DAD1: variants seen among roughly 807,000 people sequenced by gnomAD.
DAD1 encodes the protein dolichyl-diphosphooligosaccharide--protein glycosyltransferase subunit DAD1.
A neutral mutation model predicts 9.0 loss-of-function variants in DAD1; 4 were observed. That is an observed-to-expected ratio of 0.44 (90% CI 0.22 to 1.01). The LOEUF (loss-of-function observed/expected upper bound fraction) is 1.01, where lower values mean the gene tolerates loss of function less well. Ranked by LOEUF, DAD1 falls within the 50% of genes least tolerant of loss-of-function variation. The pLI is 0.24. For synonymous variants in DAD1, 60 were observed against 62.5 expected, an observed-to-expected ratio of 0.96 and a Z score of 0.19; for missense variants, 119 against 137.3, an observed-to-expected ratio of 0.87 and a Z score of 0.67.
intron 2 of DAD1, among the ~76,000 whole-genome samples, chr14:22,573,409 G>C (rs17119929): frequency 0.092 from 13,982 of 152,016 alleles, 1,178 homozygotes; most frequent in African/African-American, 0.22. Context: ...TTAATCAGGT[G>C]TCTAATGAGT....
At chr14:22,571,625 C>CTTTTT (rs869205395) in intron 2 of DAD1, among the ~76,000 whole-genome samples, 7 of 109,844 alleles carry the variant, frequency 6.4e-5, no homozygotes, top group Non-Finnish European at 1.1e-4. Flanking sequence ...GCAAGGGGCT[C>CTTTTT]TTTTTTTTTT....
chr14:22,576,761 CT>C (rs2037080240), intron 1 of DAD1, among the ~76,000 whole-genome samples: 1 of 152,036 alleles, frequency 6.6e-6, no homozygotes, highest in South Asian at 2.1e-4. Flanking sequence ...TAAAGTACCC[CT>C]ACAATGCAAT....
intron 2 of DAD1, among the ~76,000 whole-genome samples, chr14:22,573,383 G>C (rs907972035): frequency 6.6e-6 from 1 of 152,112 alleles, no homozygotes; most frequent in African/African-American, 2.4e-5. Context: ...AAGGGAGGAA[G>C]AGGATAACTC....
At chr14:22,565,198 C>A in intron 2 of DAD1, 61 bp from the exon 3 acceptor site, 1 of 697,774 alleles carries the variant, frequency 1.4e-6, no homozygotes, top group Non-Finnish European at 2.6e-6. Flanking sequence ...GCCCCAAATC[C>A]TTCCATCTAA....
chr14:22,587,741 CTTTTTTTTT>C (rs368168879), intron 1 of DAD1, among the ~76,000 whole-genome samples: 1 of 139,124 alleles, frequency 7.2e-6, no homozygotes, highest in South Asian at 2.3e-4. Flanking sequence ...TGTCACCAGA[CTTTTTTTTT>C]TTTTTTTTGA....
At chr14:22,587,119 T>C (rs1310353733) in intron 1 of DAD1, among the ~76,000 whole-genome samples, 1 of 152,216 alleles carries the variant, frequency 6.6e-6, no homozygotes, top group Non-Finnish European at 1.5e-5. Context: ...TTGGCATAAG[T>C]GAAAGTCATT....
Position 22,579,585 on chromosome 14 carries a change from G to A in DAD1, c.212-4352C>T, listed in dbSNP as rs532772135. Reference sequence around the variant, plus strand: ...CAGATTCATTCATCCACTTGGGAGAGCAACTAGCAATATCCATTAATATTT... The same window carrying A: ...CAGATTCATTCATCCACTTGGGAGAACAACTAGCAATATCCATTAATATTT... On this transcript the variant is annotated intron_variant, in intron 1 of 2. Transcript: ENST00000250498. Among the ~76,000 whole-genome samples the A allele has an allele frequency of 5.9e-5, 9 of 152,208 alleles. No homozygotes were observed. The South Asian group carries it at 1.7e-3, about 28-fold the overall frequency.
intron 1 of DAD1, among the ~76,000 whole-genome samples, chr14:22,586,792 T>C (rs377674207): frequency 6.6e-6 from 1 of 152,168 alleles, no homozygotes; most frequent in Non-Finnish European, 1.5e-5. Flanking sequence ...CAGTTGATGA[T>C]CTAGGCTAAC....
chr14:22,575,332 T>G, intron 1 of DAD1, 99 bp from the exon 2 acceptor site: 1 of 1,362,204 alleles, frequency 7.3e-7, no homozygotes, highest in Non-Finnish European at 9.9e-7. Flanking sequence ...AATTCTACTC[T>G]AACAGAAATG....
intron 1 of DAD1, among the ~76,000 whole-genome samples, chr14:22,581,668 G>A (rs1025949584): frequency 6.7e-6 from 1 of 149,560 alleles, no homozygotes; most frequent in Admixed American, 6.7e-5. Flanking sequence ...GCTTGAACCC[G>A]GGAGGCGGAA....
intron 2 of DAD1, among the ~76,000 whole-genome samples, chr14:22,573,571 G>T (rs550266986): frequency 6.6e-6 from 1 of 151,910 alleles, no homozygotes; most frequent in South Asian, 2.1e-4. Flanking sequence ...TTAGCCGGGC[G>T]TGGTGGCGGG....
At chr14:22,577,307 G>A (rs540869980) in intron 1 of DAD1, among the ~76,000 whole-genome samples, 9 of 152,176 alleles carry the variant, frequency 5.9e-5, no homozygotes, top group East Asian at 1.9e-4. Flanking sequence ...GGTGGTAGGC[G>A]CCTGTAATCC....
Position 22,589,188 on chromosome 14 carries a change from C to G in DAD1, c.-31G>C. 1 of 1,611,944 alleles carries G rather than the reference C, an allele frequency of 6.2e-7. No homozygotes were observed. Among genetic ancestry groups the G allele is most frequent in the Non-Finnish European group, 8.5e-7 (1 of 1,178,354 alleles). On this transcript the variant is annotated 5_prime_UTR_variant, in exon 1 of 3. Coordinates refer to ENST00000250498, the MANE Select transcript of DAD1 (RefSeq NM_001344.4). ...CACGCAAGGTACTCCGGTCCGCGCC[C>G]CAAACTCTTGGAGGACCCGTCGACC... is the stretch of plus-strand genomic sequence containing the variant.
At chr14:22,577,496 A>G (rs1187874448) in intron 1 of DAD1, among the ~76,000 whole-genome samples, 6 of 152,214 alleles carry the variant, frequency 3.9e-5, no homozygotes. Context: ...ACCCATGTTC[A>G]TAGCAGCATT....
At chr14:22,579,028 G>A (rs548426701) in intron 1 of DAD1, among the ~76,000 whole-genome samples, 50 of 152,192 alleles carry the variant, frequency 3.3e-4, no homozygotes, top group African/African-American at 1.2e-3. Context: ...TCATTTAATG[G>A]GTAGCAGAGT....
chr14:22,586,570 G>A (rs1206671809), intron 1 of DAD1, among the ~76,000 whole-genome samples: 1 of 152,080 alleles, frequency 6.6e-6, no homozygotes, highest in Admixed American at 6.6e-5. Flanking sequence ...CCTTGGCCTG[G>A]CATTCAAACA....
chr14:22,572,585 TTAA>T (rs1287081408), intron 2 of DAD1, among the ~76,000 whole-genome samples: 1 of 152,146 alleles, frequency 6.6e-6, no homozygotes, highest in Non-Finnish European at 1.5e-5. Flanking sequence ...TCCTAGGTTG[TTAA>T]TATGGTCTGC....
chr14:22,588,657 G>A (rs2037170252), intron 1 of DAD1, among the ~76,000 whole-genome samples: 1 of 152,216 alleles, frequency 6.6e-6, no homozygotes, highest in African/African-American at 2.4e-5. Flanking sequence ...CTAAGTTAAA[G>A]TTGGAATAGG....
intron 1 of DAD1, among the ~76,000 whole-genome samples, chr14:22,577,291 G>C (rs561047614): frequency 6.6e-6 from 1 of 152,214 alleles, no homozygotes; most frequent in Non-Finnish European, 1.5e-5. Context: ...AAAATTAGCT[G>C]GGCGTGGTGG....
Sources: gnomAD v4.1 joint callset for allele counts (sites outside exome capture counted in the v4.1 genomes callset) on GRCh38, gnomAD v4.1.1 for gene constraint, MANE v1.5 for transcripts, NCBI Gene and HGNC (gene_info 2026-07-23, HGNC 2026-07-21) for gene names.